ITSN2: variants seen among roughly 807,000 people sequenced by gnomAD.
The protein encoded by ITSN2 is intersectin 2.
A neutral mutation model predicts 243.7 loss-of-function variants in ITSN2; 156 were observed. The ratio of observed to expected loss-of-function variants is 0.64; its 90% CI spans 0.56 to 0.73. The LOEUF is 0.73. Among genes scored for constraint, ITSN2 ranks in the 30% least tolerant of loss-of-function variants. The pLI, the probability that ITSN2 is intolerant of heterozygous loss-of-function variation, is 0.00. For synonymous variants in ITSN2, 703 were observed against 699.9 expected (o/e 1.00, Z -0.07); for missense variants, 1,801 against 1,996.1 (o/e 0.90, Z 1.86).
chr2:24,209,003 T>C, intron 36 of ITSN2, 97 bp downstream of exon 36: 1 of 1,381,960 alleles, frequency 7.2e-7, no homozygotes, highest in Non-Finnish European at 1.0e-6. Context: ...ACAGAATTAG[T>C]GGGGCTTAAG....
At position 24,204,242 on chromosome 2, in the gene ITSN2, T is replaced by TA. The variant is rs1345931797; in HGVS notation, c.4936+2dup. 15 of 1,613,720 alleles carry TA rather than the reference T, an allele frequency of 9.3e-6. No homozygotes were observed. The highest frequency in any genetic ancestry group is 1.2e-5 in the Non-Finnish European group (14 of 1,179,958). On this transcript the variant is annotated splice_region_variant and intron_variant, in intron 39 of 39. Transcript: ENST00000355123. The surrounding 1 kb of genome is among the most constrained non-coding windows in gnomAD (Gnocchi z 5.1). ...TTAGATCCCCTGGCTGAGCGACACT[T>TA]ACCATCTGGTGAAAACTGGTCTCTG...
intron 2 of ITSN2, among the ~76,000 whole-genome samples, chr2:24,324,223 C>T (rs1421240639): frequency 6.6e-6 from 1 of 152,020 alleles, no homozygotes; most frequent in Non-Finnish European, 1.5e-5. Flanking sequence ...CAGAGCGAGA[C>T]TCCGTCTCAA....
intron 17 of ITSN2, among the ~76,000 whole-genome samples, chr2:24,281,983 T>C (rs1678839410): frequency 6.6e-6 from 1 of 152,220 alleles, no homozygotes; most frequent in Non-Finnish European, 1.5e-5. Flanking sequence ...GCTGTCGATA[T>C]GGGAGTGGGC....
chr2:24,255,968 G>A (rs1204430547), intron 23 of ITSN2, among the ~76,000 whole-genome samples: 3 of 152,142 alleles, frequency 2.0e-5, no homozygotes, highest in South Asian at 2.1e-4. Flanking sequence ...CAGGAGAATC[G>A]CTTGAACCCG....
In ITSN2 at chr2:24,202,949, C is replaced by CA. The variant is rs1190751349; in HGVS notation, c.*676dup. On this transcript the variant is annotated 3_prime_UTR_variant, in exon 40 of 40. Transcript: ENST00000355123. Reference sequence around the variant, plus strand: ...AAAGATGCATGTCCTAAGAAATATGCAAAAACAATGAATTTACATAAATAA... The same window carrying CA: ...AAAGATGCATGTCCTAAGAAATATGCAAAAAACAATGAATTTACATAAATAA... The CA allele has an allele frequency of 7.9e-5, 12 of 152,512 alleles. No homozygotes were observed. The highest frequency in any genetic ancestry group is 7.2e-4 in the Admixed American group (11 of 15,282). The allele number at this position is 152,512 out of a possible 1,614,324, so 9.4% of individuals were successfully genotyped here.
chr2:24,331,664 C>T (rs192730320), intron 1 of ITSN2, among the ~76,000 whole-genome samples: 20 of 152,248 alleles, frequency 1.3e-4, no homozygotes, highest in Middle Eastern at 6.8e-3. Flanking sequence ...CTCCCTTAAA[C>T]CCAGACATCT....
chr2:24,320,525 C>CAAAAAAAAAAA (rs113637557), intron 2 of ITSN2, among the ~76,000 whole-genome samples: 2 of 41,520 alleles, frequency 4.8e-5, no homozygotes, highest in Non-Finnish European at 8.3e-5. Context: ...GACTCCGTCT[C>CAAAAAAAAAAA]AAAAAAAAAA....
At position 24,352,102 on chromosome 2, in the gene ITSN2, A is replaced by G. The variant is rs533268723; in HGVS notation, c.-34+8202T>C. ...ATTAAACTTTATCATAGGTATGTATATATAGGAAAAAACATAGTGTATATA... is the reference window on the plus strand; with the variant it reads ...ATTAAACTTTATCATAGGTATGTATGTATAGGAAAAAACATAGTGTATATA... On this transcript the variant is annotated intron_variant, in intron 1 of 39. Transcript: ENST00000355123. 4.6e-5 allele frequency among the ~76,000 whole-genome samples: 7 copies of G among 152,322 alleles called. 1 individual carries two copies. In the South Asian group the frequency reaches 1.5e-3, roughly 32 times the overall value.
chr2:24,305,804 A>G (rs1682458619), intron 8 of ITSN2, among the ~76,000 whole-genome samples: 1 of 152,138 alleles, frequency 6.6e-6, no homozygotes, highest in African/African-American at 2.4e-5. Flanking sequence ...AAAAAACACC[A>G]TAATACACAA....
chr2:24,332,276 T>C (rs1217645054), intron 1 of ITSN2, among the ~76,000 whole-genome samples: 1 of 152,084 alleles, frequency 6.6e-6, no homozygotes, highest in African/African-American at 2.4e-5. Flanking sequence ...TACTCAATGA[T>C]TGTCTGCCCA....
At chr2:24,301,297 T>C in intron 10 of ITSN2, 58 bp from the exon 11 acceptor site, 1 of 963,024 alleles carries the variant, frequency 1.0e-6, no homozygotes, top group Non-Finnish European at 1.6e-6. Flanking sequence ...TCAGACTAGA[T>C]TACACAGACT....
intron 2 of ITSN2, among the ~76,000 whole-genome samples, chr2:24,320,945 G>C (rs953298455): frequency 3.3e-5 from 5 of 152,116 alleles, no homozygotes; most frequent in African/African-American, 1.2e-4. Flanking sequence ...CTTAGTCCCA[G>C]CCCGTTTTGT....
At chr2:24,296,314 C>A (rs772232865) in intron 13 of ITSN2, among the ~76,000 whole-genome samples, 21 of 152,072 alleles carry the variant, frequency 1.4e-4, no homozygotes, top group Non-Finnish European at 2.6e-4. Context: ...GTGAAGAAAT[C>A]AAACAAATAG....
At position 24,216,027 on chromosome 2, in the gene ITSN2, G is replaced by A. The variant is rs200738184; in HGVS notation, c.3990+22C>T. On this transcript the variant is annotated intron_variant, in intron 32 of 39. Transcript: ENST00000355123. ...TCCAGCCTCAGAAGGAGCCTGACCC[G>A]CAAGGCCCAGAATGGAATTACCTTT... 4.8e-5 allele frequency: 74 copies of A among 1,542,646 alleles called. 2 individuals carry two copies. In the South Asian group the frequency reaches 6.8e-4, roughly 14 times the overall value.
At chr2:24,314,724 A>G (rs1170025094) in intron 3 of ITSN2, among the ~76,000 whole-genome samples, 1 of 152,232 alleles carries the variant, frequency 6.6e-6, no homozygotes. Context: ...TCTGCAAAAC[A>G]AGGGCTAGCA....
intron 2 of ITSN2, among the ~76,000 whole-genome samples, chr2:24,325,021 A>T (rs1443025080): frequency 6.6e-6 from 1 of 152,158 alleles, no homozygotes; most frequent in Admixed American, 6.5e-5. Flanking sequence ...CATTTTAACA[A>T]GGAATAATTT....
intron 29 of ITSN2, among the ~76,000 whole-genome samples, chr2:24,224,545 A>G (rs931790026): frequency 6.6e-6 from 1 of 152,154 alleles, no homozygotes; most frequent in African/African-American, 2.4e-5. Flanking sequence ...TAGACTATAC[A>G]TTGCATTAGC....
At chr2:24,331,851 C>T (rs1685823921) in intron 1 of ITSN2, among the ~76,000 whole-genome samples, 1 of 152,204 alleles carries the variant, frequency 6.6e-6, no homozygotes, top group African/African-American at 2.4e-5. Flanking sequence ...AAACAATATG[C>T]TAAATGTGAA....
rs1670205031 is a variant in ITSN2 at position 24,218,944 on chromosome 2, GAC to G, written c.3700-933_3700-932del. ...AAGCTCTCCACTGTCCGTGTGATAA[GAC>G]ACAGACTCCTCCTGGAGGTTCCAGG... On this transcript the variant is annotated intron_variant, in intron 30 of 39. Transcript: ENST00000355123. Among the ~76,000 whole-genome samples the G allele has an allele frequency of 2.6e-5, 4 of 152,286 alleles. No homozygotes were observed. In the East Asian group the frequency reaches 5.8e-4, roughly 22 times the overall value.
Sources: allele counts gnomAD v4.1 joint callset (sites outside exome capture counted in the v4.1 genomes callset), GRCh38; gene constraint gnomAD v4.1.1; non-coding constraint Gnocchi (gnomAD v3.1); transcripts MANE v1.5; gene names NCBI Gene and HGNC (gene_info 2026-07-23, HGNC 2026-07-21).